Variants in UBE3C observed in about 807,000 individuals in gnomAD.
UBE3C encodes the protein ubiquitin-protein ligase E3C.
UBE3C carries 42 observed loss-of-function variants against 129.4 expected under a neutral mutation model. The observed-to-expected ratio is 0.32, with a 90% confidence interval of 0.25 to 0.42. The LOEUF is 0.42. Ranked by LOEUF, UBE3C falls within the 10% of genes least tolerant of loss-of-function variation. UBE3C has a pLI of 1.00. For synonymous variants in UBE3C, 510 were observed against 492.4 expected, an observed-to-expected ratio of 1.04 and a Z score of -0.47; for missense variants, 1,049 against 1,319.1, an observed-to-expected ratio of 0.80 and a Z score of 3.17.
intron 10 of UBE3C, among the ~76,000 whole-genome samples, chr7:157,201,078 C>CT (rs1809265435): frequency 6.6e-6 from 1 of 152,028 alleles, no homozygotes; most frequent in Admixed American, 6.5e-5. Flanking sequence ...AATCCCAGCA[C>CT]TTTGGGATGC....
chr7:157,172,288 C>T (rs1211496319), intron 4 of UBE3C, among the ~76,000 whole-genome samples: 1 of 152,090 alleles, frequency 6.6e-6, no homozygotes, highest in Non-Finnish European at 1.5e-5. Context: ...CTTGCTTTGA[C>T]ATCCCAAAGT....
In UBE3C at chr7:157,139,314, G is replaced by A. The variant is rs1412605118; in HGVS notation, c.42G>A (p.Val14=). 9 of 1,584,058 alleles carry A rather than the reference G, an allele frequency of 5.7e-6. No individual in the cohort carries two copies. The South Asian group carries it at 1.0e-4, about 18-fold the overall frequency. Residue 14 remains valine (V), a synonymous_variant, in exon 1 of 23, where the codon GTG becomes GTA. Transcript: ENST00000348165. The part of the protein sequence containing the change: ...FEGDFKTRPK[V]SLGGASRKEE... ...GCGACTTCAAGACGCGGCCCAAGGT[G>A]TCCCTTGGCGGCGCGAGCAGGAAGG...
At position 157,197,706 on chromosome 7, in the gene UBE3C, T is replaced by A. The variant is rs1586681319; in HGVS notation, c.1332-4015T>A. ...CGGAAATGAAGTCACAAGAATAAAG[T>A]CAAGAGCTGCAAATTCAGGACAAGA... On this transcript the variant is annotated intron_variant, in intron 10 of 22. Coordinates refer to ENST00000348165, the MANE Select transcript of UBE3C (RefSeq NM_014671.3). 6.8e-6 allele frequency: 11 copies of A among 1,609,936 alleles called. No individual in the cohort carries two copies. The South Asian group carries it at 1.1e-4, about 16-fold the overall frequency.
chr7:157,184,708 G>A (rs1808760920), intron 9 of UBE3C, among the ~76,000 whole-genome samples: 1 of 152,180 alleles, frequency 6.6e-6, no homozygotes, highest in African/African-American at 2.4e-5. Flanking sequence ...GGGCTTCCAG[G>A]TGAAGTAAAT....
intron 9 of UBE3C, among the ~76,000 whole-genome samples, chr7:157,184,998 C>T (rs1808769472): frequency 6.6e-6 from 1 of 152,158 alleles, no homozygotes; most frequent in South Asian, 2.1e-4. Context: ...CCAAACTGTA[C>T]ACCAACAAGT....
chr7:157,152,597 C>T lies in UBE3C; in HGVS notation c.67-11213C>T, dbSNP rs17837720. Among the ~76,000 whole-genome samples, 524 of 152,260 alleles carry T rather than the reference C, an allele frequency of 3.4e-3. 16 individuals are homozygous for T. In the South Asian group the frequency reaches 0.046, roughly 13 times the overall value. ...TCGTTTATGAGCTCATTGATCTCGA[C>T]TTCTGATATGTGAGGCAGAGGTGTT... On this transcript the variant is annotated intron_variant, in intron 1 of 22. Transcript: ENST00000348165.
intron 21 of UBE3C, 46 bp downstream of exon 21, chr7:157,254,356 G>A (rs372280361): frequency 2.5e-6 from 3 of 1,179,112 alleles, no homozygotes; most frequent in Admixed American, 2.9e-5. Flanking sequence ...GTTGCAGGTG[G>A]TCATATTTCC....
At chr7:157,188,932 T>C in intron 10 of UBE3C, 1 of 663,832 alleles carries the variant, frequency 1.5e-6, no homozygotes, top group Non-Finnish European at 2.8e-6. Context: ...TAATTTCTGT[T>C]TAACACTGAT....
chr7:157,139,347 C>G lies in UBE3C; in HGVS notation c.66+9C>G. On this transcript the variant is annotated intron_variant, in intron 1 of 22. Transcript: ENST00000348165. ...GCGGCGCGAGCAGGAAGGTGAGGGC[C>G]GGGCTGGCGGGGCGCCCTCGGCTCG... The G allele has an allele frequency of 8.3e-6, 13 of 1,570,056 alleles. No homozygotes were observed. Among genetic ancestry groups the G allele is most frequent in the Non-Finnish European group, 1.1e-5 (13 of 1,166,880 alleles).
At chr7:157,158,985 A>G (rs2116844409) in intron 1 of UBE3C, among the ~76,000 whole-genome samples, 1 of 152,356 alleles carries the variant, frequency 6.6e-6, no homozygotes, top group African/African-American at 2.4e-5. Context: ...AGTCTCATGT[A>G]TGCGGGGATA....
intron 10 of UBE3C, chr7:157,197,746 T>C: frequency 6.2e-7 from 1 of 1,611,744 alleles, no homozygotes; most frequent in African/African-American, 1.3e-5. Flanking sequence ...ACAATAAAGT[T>C]CCGGACATCC....
At chr7:157,188,126 A>G (rs1289479857) in intron 10 of UBE3C, among the ~76,000 whole-genome samples, 2 of 152,232 alleles carry the variant, frequency 1.3e-5, no homozygotes, top group East Asian at 1.9e-4. Flanking sequence ...AGAGTAAAAT[A>G]TATGTAGTAG....
chr7:157,216,631 AAATT>A lies in UBE3C; in HGVS notation c.1810-234_1810-231del, dbSNP rs1215203093. 4.6e-5 allele frequency among the ~76,000 whole-genome samples: 7 copies of A among 152,282 alleles called. No individual in the cohort carries two copies. In the East Asian group the frequency reaches 1.3e-3, roughly 29 times the overall value. ...AATCGCCACCTCCGTTGTAACTTAA[AAATT>A]ATCATGTACATGTGTTTGTGTTGTT... is the stretch of plus-strand genomic sequence containing the variant. On this transcript the variant is annotated intron_variant, in intron 13 of 22. Transcript: ENST00000348165.
intron 22 of UBE3C, among the ~76,000 whole-genome samples, chr7:157,266,017 T>C (rs1334981974): frequency 6.6e-6 from 1 of 152,204 alleles, no homozygotes; most frequent in Non-Finnish European, 1.5e-5. Context: ...TGTAATTTAA[T>C]GAATAGGGGA....
At chr7:157,227,064 C>A (rs1357449701) in intron 17 of UBE3C, among the ~76,000 whole-genome samples, 1 of 152,154 alleles carries the variant, frequency 6.6e-6, no homozygotes, top group African/African-American at 2.4e-5. Context: ...GTCTTTACAG[C>A]TTGGGATGGA....
intron 18 of UBE3C, among the ~76,000 whole-genome samples, chr7:157,241,144 C>T (rs567180422): frequency 6.6e-6 from 1 of 152,238 alleles, no homozygotes; most frequent in African/African-American, 2.4e-5. Flanking sequence ...ACCACAGCTA[C>T]TCACGCAGAG....
At chr7:157,238,275 G>A (rs1330218012) in intron 18 of UBE3C, among the ~76,000 whole-genome samples, 3 of 152,118 alleles carry the variant, frequency 2.0e-5, no homozygotes, top group Non-Finnish European at 2.9e-5. Context: ...GACTCCTGGC[G>A]TCACCAGCAG....
intron 22 of UBE3C, among the ~76,000 whole-genome samples, chr7:157,260,040 G>T (rs901785998): frequency 7.2e-5 from 11 of 152,048 alleles, no homozygotes; most frequent in Non-Finnish European, 1.3e-4. Flanking sequence ...TAATAAAGAC[G>T]TATAAACTTA....
chr7:157,237,318 G>A (rs1343101521), intron 18 of UBE3C, among the ~76,000 whole-genome samples: 2 of 152,170 alleles, frequency 1.3e-5, no homozygotes, highest in South Asian at 4.2e-4. Flanking sequence ...GCGGGCGCCT[G>A]TAGTCCCAGC....
Sources: allele counts gnomAD v4.1 joint callset (sites outside exome capture counted in the v4.1 genomes callset), GRCh38; gene constraint gnomAD v4.1.1; transcripts MANE v1.5; gene names NCBI Gene and HGNC (gene_info 2026-07-23, HGNC 2026-07-21).